Variants in THRB observed in about 807,000 individuals in gnomAD.
THRB encodes thyroid hormone receptor beta, also known as nuclear receptor subfamily 1 group A member 2.
THRB carries 12 observed loss-of-function variants against 47.8 expected under a neutral mutation model. The observed-to-expected ratio is 0.25, with a 90% CI of 0.16 to 0.41. THRB has a LOEUF of 0.41. Among genes scored for constraint, THRB ranks in the 10% least tolerant of loss-of-function variants. The pLI is 1.00. For missense variants in THRB, 348 were observed against 589.2 expected, an observed-to-expected ratio of 0.59 and a Z score of 4.24; for synonymous variants, 218 against 212.2, an observed-to-expected ratio of 1.03 and a Z score of -0.24.
At chr3:24,408,611 G>T (rs558701972) in intron 1 of THRB, among the ~76,000 whole-genome samples, 8 of 151,800 alleles carry the variant, frequency 5.3e-5, no homozygotes, top group Non-Finnish European at 1.2e-4. Flanking sequence ...TGAGACCAAA[G>T]CTTTCCTTTT....
intron 5 of THRB, among the ~76,000 whole-genome samples, chr3:24,160,340 C>T (rs953618786): frequency 6.6e-6 from 1 of 152,112 alleles, no homozygotes; most frequent in African/African-American, 2.4e-5. Context: ...AACCTTGAGA[C>T]GGAGCCCTGT....
Position 24,235,836 on chromosome 3 carries a change from G to T in THRB, c.-42-6835C>A, listed in dbSNP as rs547773980. Among the ~76,000 whole-genome samples, 8 of 152,250 alleles carry T rather than the reference G, an allele frequency of 5.3e-5. No individual in the cohort carries two copies. The South Asian group carries it at 6.2e-4, about 12-fold the overall frequency. On this transcript the variant is annotated intron_variant, in intron 3 of 10. Transcript: ENST00000646209. ...TTTCCTAGGAAGTTGCCGTGTAAGA[G>T]GGGGGCATAGCTTAGGGATGTGTCT...
At chr3:24,187,549 A>G (rs2042756063) in intron 5 of THRB, among the ~76,000 whole-genome samples, 1 of 152,140 alleles carries the variant, frequency 6.6e-6, no homozygotes, top group African/African-American at 2.4e-5. Flanking sequence ...CCCTGCTGCC[A>G]TTTTCTTATG....
intron 4 of THRB, among the ~76,000 whole-genome samples, chr3:24,205,619 CATA>C (rs1291089056): frequency 6.6e-6 from 1 of 152,170 alleles, no homozygotes; most frequent in Non-Finnish European, 1.5e-5. Flanking sequence ...CAGCTAACAT[CATA>C]ATGACAGGAT....
intron 3 of THRB, among the ~76,000 whole-genome samples, chr3:24,241,311 A>G (rs1443319559): frequency 1.3e-5 from 2 of 152,188 alleles, no homozygotes; most frequent in Non-Finnish European, 2.9e-5. Flanking sequence ...CCTGGGCCCA[A>G]TAATGCGTAC....
chr3:24,173,141 T>G (rs11716543), intron 5 of THRB, among the ~76,000 whole-genome samples: 21,480 of 152,080 alleles, frequency 0.14, 1,855 homozygotes, highest in South Asian at 0.23. Context: ...TCGTAAACTC[T>G]GGGGGGTGGG....
In THRB at chr3:24,123,079, A is replaced by C; in HGVS notation, c.1191T>G (p.Asp397Glu). ...AGTGTTCAAAGGCCAGCAGGAAACT[A>C]TCTTGGTACTTTTCTATTCTCTCAA... ...ACVERIEKYQ[D>E]SFLLAFEHYI... Residue 397 changes from aspartate (D) to glutamate (E), a missense_variant, in exon 11 of 11, where the codon GAT (aspartate) becomes GAG (glutamate). By Grantham distance (45) the Asp-to-Glu change is conservative. Around this residue, in one of 5 missense-constraint regions of THRB, gnomAD observed 36 missense variants for 51.7 expected, o/e 0.70. Coordinates refer to ENST00000646209, the MANE Select transcript of THRB (RefSeq NM_001354712.2). 1.2e-6 allele frequency: 2 copies of C among 1,614,194 alleles called. No individual in the cohort carries two copies. The highest frequency in any genetic ancestry group is 2.2e-5 in the South Asian group (2 of 91,076).
chr3:24,190,884 GA>G (rs59313395), intron 4 of THRB, among the ~76,000 whole-genome samples: 48,426 of 131,308 alleles, frequency 0.37, 8,122 homozygotes, highest in African/African-American at 0.45. Flanking sequence ...CCTACAAAAA[GA>G]AAAAAAAAAA....
intron 7 of THRB, among the ~76,000 whole-genome samples, chr3:24,146,359 TCAAA>T (rs1305963258): frequency 3.9e-5 from 6 of 152,326 alleles, no homozygotes; most frequent in South Asian, 2.1e-4. Context: ...AATCTCTGTC[TCAAA>T]CAGAGTGTTG....
At chr3:24,233,034 G>T (rs901241952) in intron 3 of THRB, among the ~76,000 whole-genome samples, 3 of 152,144 alleles carry the variant, frequency 2.0e-5, no homozygotes, top group Non-Finnish European at 4.4e-5. Flanking sequence ...TCCTCTGCCA[G>T]TTCTACCTGT....
chr3:24,231,058 C>A (rs192145649), intron 3 of THRB, among the ~76,000 whole-genome samples: 323 of 152,316 alleles, frequency 2.1e-3, no homozygotes, highest in African/African-American at 7.4e-3. Flanking sequence ...GCTGTATCCT[C>A]TTCTGCTCCT....
chr3:24,177,988 T>A (rs900932624), intron 5 of THRB, among the ~76,000 whole-genome samples: 1 of 152,184 alleles, frequency 6.6e-6, no homozygotes, highest in Admixed American at 6.5e-5. Context: ...TCTTTGCCCC[T>A]ATTATGGAGA....
intron 4 of THRB, among the ~76,000 whole-genome samples, chr3:24,192,279 G>T (rs1254981259): frequency 6.6e-6 from 1 of 152,112 alleles, no homozygotes; most frequent in Non-Finnish European, 1.5e-5. Flanking sequence ...TTTTTCATGA[G>T]CTAAATATAA....
At chr3:24,216,395 GGAGA>G (rs2046562550) in intron 4 of THRB, among the ~76,000 whole-genome samples, 1 of 152,122 alleles carries the variant, frequency 6.6e-6, no homozygotes, top group Non-Finnish European at 1.5e-5. Context: ...CACGAGGTCA[GGAGA>G]TCGAGACCAT....
intron 3 of THRB, among the ~76,000 whole-genome samples, chr3:24,268,674 T>C (rs2150594881): frequency 6.6e-6 from 1 of 152,294 alleles, no homozygotes; most frequent in South Asian, 2.1e-4. Flanking sequence ...CCTTTCTCCT[T>C]GTTTTCTCCT....
chr3:24,294,823 C>T (rs2056306985), intron 3 of THRB, among the ~76,000 whole-genome samples: 1 of 152,174 alleles, frequency 6.6e-6, no homozygotes, highest in South Asian at 2.1e-4. Context: ...TGACACAAAT[C>T]TTATTTGTTT....
intron 3 of THRB, among the ~76,000 whole-genome samples, chr3:24,284,232 G>A (rs1221187892): frequency 4.6e-5 from 7 of 150,542 alleles, no homozygotes; most frequent in African/African-American, 9.8e-5. Context: ...CCAAAACAGA[G>A]ATATAGATCA....
At chr3:24,424,388 G>A (rs1224513991) in intron 1 of THRB, among the ~76,000 whole-genome samples, 1 of 151,954 alleles carries the variant, frequency 6.6e-6, no homozygotes, top group Admixed American at 6.6e-5. Flanking sequence ...GAGGCAAATG[G>A]CAAAGCCATG....
At chr3:24,138,128 T>C (rs1054916910) in intron 8 of THRB, among the ~76,000 whole-genome samples, 1 of 151,868 alleles carries the variant, frequency 6.6e-6, no homozygotes, top group African/African-American at 2.4e-5. Flanking sequence ...TCAAGGTGAG[T>C]AGGAAACGCT....
Sources: gnomAD v4.1 joint callset for allele counts (sites outside exome capture counted in the v4.1 genomes callset) on GRCh38, gnomAD v4.1.1 for gene constraint, gnomAD v4.1.1 regional missense constraint, MANE v1.5 for transcripts, NCBI Gene and HGNC (gene_info 2026-07-23, HGNC 2026-07-21) for gene names.